GSTA2: variants seen among roughly 807,000 people sequenced by gnomAD.
GSTA2 encodes the protein glutathione S-transferase A2.
GSTA2 carries 27 observed loss-of-function variants against 22.4 expected under a neutral mutation model. The observed-to-expected ratio is 1.21, with a 90% CI of 0.89 to 1.67. GSTA2 has a LOEUF of 1.67. GSTA2 is among the 40% of genes most tolerant of loss of function. GSTA2 has a pLI of 0.00. For synonymous variants in GSTA2, 121 were observed against 86.8 expected (o/e 1.39, Z -2.19); for missense variants, 302 against 260.2 (o/e 1.16, Z -1.11).
rs758453431 is a variant in GSTA2, at chr6:52,750,541, T to C, written c.*36A>G. ...TAATTGTTGCAAAACTTTAGAATAC[T>C]GGTCTTGCATGTTCTTGACCTCTAT... On this transcript the variant is annotated 3_prime_UTR_variant, in exon 7 of 7. Transcript: ENST00000493422. 2 of 1,606,362 alleles carry C rather than the reference T, an allele frequency of 1.2e-6. No homozygotes were observed. Among genetic ancestry groups the C allele is most frequent in the Non-Finnish European group, 8.5e-7 (1 of 1,174,844 alleles).
chr6:52,756,946 A>G (rs1291635367), intron 2 of GSTA2, among the ~76,000 whole-genome samples: 1 of 150,372 alleles, frequency 6.7e-6, no homozygotes, highest in African/African-American at 2.5e-5. Flanking sequence ...CTGGTTTCTG[A>G]TGTGGTTTTG....
chr6:52,759,585 T>TTG (rs1435025372), intron 1 of GSTA2, among the ~76,000 whole-genome samples: 2 of 125,142 alleles, frequency 1.6e-5, no homozygotes, highest in African/African-American at 3.3e-5. Context: ...TTTTTTTTTT[T>TTG]TTTTTTTTTT....
At chr6:52,762,260 GC>G (rs1457405323) in intron 1 of GSTA2, among the ~76,000 whole-genome samples, 2 of 152,154 alleles carry the variant, frequency 1.3e-5, no homozygotes, top group African/African-American at 4.8e-5. Flanking sequence ...AACGGTCTGT[GC>G]TGAGGAGGAT....
intron 5 of GSTA2, among the ~76,000 whole-genome samples, chr6:52,752,420 C>G (rs1762761230): frequency 6.6e-6 from 1 of 152,164 alleles, no homozygotes; most frequent in African/African-American, 2.4e-5. Context: ...CCCTGAAACA[C>G]TGCAATATTC....
intron 5 of GSTA2, among the ~76,000 whole-genome samples, chr6:52,752,343 T>G (rs1561893656): frequency 6.6e-6 from 1 of 152,224 alleles, no homozygotes; most frequent in Non-Finnish European, 1.5e-5. Context: ...TGCAACTTAC[T>G]ATAAAATGCA....
At chr6:52,754,225 G>A (rs1762798630) in intron 4 of GSTA2, among the ~76,000 whole-genome samples, 1 of 152,140 alleles carries the variant, frequency 6.6e-6, no homozygotes, top group African/African-American at 2.4e-5. Context: ...ATTTTCGATT[G>A]TTTGGGGATA....
intron 4 of GSTA2, among the ~76,000 whole-genome samples, chr6:52,754,725 T>TGGACTGC (rs1304317552): frequency 1.3e-5 from 2 of 152,162 alleles, no homozygotes; most frequent in Admixed American, 1.3e-4. Context: ...GCTGTGTCCA[T>TGGACTGC]GGACTGCATC....
At chr6:52,759,559 A>ATTTATTTT in intron 1 of GSTA2, among the ~76,000 whole-genome samples, 1 of 30,928 alleles carries the variant, frequency 3.2e-5, no homozygotes, top group South Asian at 9.0e-4. Context: ...TAATGTATTT[A>ATTTATTTT]TTTGTTTTTT....
At chr6:52,759,749 T>A (rs1762922815) in intron 1 of GSTA2, among the ~76,000 whole-genome samples, 1 of 151,878 alleles carries the variant, frequency 6.6e-6, no homozygotes, top group Non-Finnish European at 1.5e-5. Flanking sequence ...CACACCTGGA[T>A]AATTTTGCAT....
intron 2 of GSTA2, among the ~76,000 whole-genome samples, chr6:52,756,865 C>T (rs1222851444): frequency 2.0e-5 from 3 of 152,226 alleles, no homozygotes; most frequent in Admixed American, 2.0e-4. Flanking sequence ...ACGTGAGACA[C>T]AATAGGGTAA....
At chr6:52,750,838 AC>A in intron 6 of GSTA2, 139 bp from the exon 7 acceptor site, 1 of 962,568 alleles carries the variant, frequency 1.0e-6, no homozygotes, top group Non-Finnish European at 1.5e-6. Flanking sequence ...AGAAACAGAC[AC>A]CCAGTGAGAA....
intron 1 of GSTA2, among the ~76,000 whole-genome samples, chr6:52,762,253 G>C (rs562123571): frequency 6.6e-6 from 1 of 152,116 alleles, no homozygotes; most frequent in African/African-American, 2.4e-5. Flanking sequence ...ACCCATAAAC[G>C]GTCTGTGCTG....
chr6:52,757,909 C>G lies in GSTA2; in HGVS notation c.39G>C (p.Arg13=), dbSNP rs146322588. ...GCCACCGGATGGACTCCATTCTGCC[C>G]CGTATATTGGAGTAGTGGAGCTTGG... ...EKPKLHYSNI[R]GRMESIRWLL... is the part of the protein sequence containing the mutation. The change falls in exon 2 of 7, where the codon CGG becomes CGC. Residue 13 remains arginine, a synonymous_variant. Transcript: ENST00000493422. 8 of 1,613,580 alleles carry G rather than the reference C, an allele frequency of 5.0e-6. No homozygotes were observed. Among genetic ancestry groups the G allele is most frequent in the Non-Finnish European group, 6.8e-6 (8 of 1,179,732 alleles).
At chr6:52,763,000 A>C (rs1036971264) in intron 1 of GSTA2, among the ~76,000 whole-genome samples, 1 of 152,222 alleles carries the variant, frequency 6.6e-6, no homozygotes, top group African/African-American at 2.4e-5. Context: ...CCTAACATTC[A>C]AACTAATTTT....
Position 52,752,914 on chromosome 6 carries a change from A to G in GSTA2, c.354T>C (p.Asp118=), listed in dbSNP as rs746191882. ...LLPFSQPEEQ[D]AKLALIQEKT... The stretch of plus-strand genomic sequence containing the variant: ...TCTCTTGGATCAAGGCAAGCTTGGC[A>G]TCTTGTTCCTCAGGTTGACTAAAGG... The change falls in exon 5 of 7, where the codon GAT becomes GAC. Residue 118 remains aspartate, a synonymous_variant. Transcript: ENST00000493422. 5 of 1,614,106 alleles carry G rather than the reference A, an allele frequency of 3.1e-6. No homozygotes were observed. The highest frequency in any genetic ancestry group is 1.1e-5 in the South Asian group (1 of 91,082).
chr6:52,753,871 A>T (rs72934252), intron 4 of GSTA2, among the ~76,000 whole-genome samples: 1 of 152,108 alleles, frequency 6.6e-6, no homozygotes, highest in African/African-American at 2.4e-5. Flanking sequence ...GGTATTCTTC[A>T]TTTTTCTCCA....
chr6:52,752,338 C>G (rs1232382410), intron 5 of GSTA2, among the ~76,000 whole-genome samples: 1 of 152,206 alleles, frequency 6.6e-6, no homozygotes, highest in Non-Finnish European at 1.5e-5. Context: ...ATGTCTGCAA[C>G]TTACTATAAA....
At position 52,751,691 on chromosome 6, in the gene GSTA2, T is replaced by A. The variant is rs776971683; in HGVS notation, c.432A>T (p.Gly144=). Residue 144 remains glycine (G), a synonymous_variant, in exon 6 of 7, where the codon GGA becomes GGT. Coordinates refer to ENST00000493422, the MANE Select transcript of GSTA2 (RefSeq NM_000846.5). ...GCTTGTTGCCAACAAGGTAGTCTTG[T>A]CCGTGGCTCTTTAAGACCTGGAGAA... The part of the protein sequence containing the change: ...PAFEKVLKSH[G]QDYLVGNKLS... 8.7e-6 allele frequency: 14 copies of A among 1,614,034 alleles called. No homozygotes were observed. Among genetic ancestry groups the A allele is most frequent in the African/African-American group, 1.3e-5 (1 of 74,914 alleles).
chr6:52,757,041 C>T (rs568116539), intron 2 of GSTA2, among the ~76,000 whole-genome samples: 2,087 of 132,324 alleles, frequency 0.016, 63 homozygotes, highest in African/African-American at 0.055. Flanking sequence ...CTCATAGACA[C>T]GTAGGCTGCC....
Sources: gnomAD v4.1 joint callset for allele counts (sites outside exome capture counted in the v4.1 genomes callset) on GRCh38, gnomAD v4.1.1 for gene constraint, MANE v1.5 for transcripts, NCBI Gene and HGNC (gene_info 2026-07-23, HGNC 2026-07-21) for gene names.